The following MALRD1 variants were observed in gnomAD, a reference collection of about 807,000 sequenced individuals.
MALRD1 encodes MAM and LDL receptor class A domain containing 1.
MALRD1 carries 247 observed loss-of-function variants against 242.1 expected under a neutral mutation model. That is an observed-to-expected ratio of 1.02 (90% confidence interval 0.92 to 1.13). The LOEUF (loss-of-function observed/expected upper bound fraction) is 1.13, where lower values mean the gene tolerates loss of function less well. Among genes scored for constraint, MALRD1 ranks in the 50% most tolerant of loss-of-function variants. MALRD1 has a pLI of 0.00. For missense variants in MALRD1, 2,989 were observed against 2,533.1 expected (o/e 1.18, Z -3.86); for synonymous variants, 995 against 866.6 (o/e 1.15, Z -2.60).
intron 13 of MALRD1, among the ~76,000 whole-genome samples, chr10:19,172,673 T>C (rs976855048): frequency 2.0e-5 from 3 of 151,586 alleles, no homozygotes; most frequent in African/African-American, 7.3e-5. Flanking sequence ...TCGTTTTTTT[T>C]CCTCCAGTTT....
intron 21 of MALRD1, among the ~76,000 whole-genome samples, chr10:19,323,009 G>A (rs1842965409): frequency 6.6e-6 from 1 of 151,972 alleles, no homozygotes; most frequent in South Asian, 2.1e-4. Context: ...AATTGTCCAA[G>A]TAGGGTCATA....
chr10:19,504,751 C>T (rs982012318), intron 31 of MALRD1, among the ~76,000 whole-genome samples: 11 of 141,202 alleles, frequency 7.8e-5, no homozygotes, highest in South Asian at 2.2e-4. Context: ...GGCGCAATCT[C>T]GGCTCACTGC....
At chr10:19,686,461 ACT>A (rs1842586141) in intron 36 of MALRD1, among the ~76,000 whole-genome samples, 2 of 151,878 alleles carry the variant, frequency 1.3e-5, no homozygotes, top group African/African-American at 2.4e-5. Flanking sequence ...TACCAGTTAA[ACT>A]CTGCCGTTTT....
intron 28 of MALRD1, among the ~76,000 whole-genome samples, chr10:19,407,952 C>G (rs1199575889): frequency 6.6e-6 from 1 of 152,122 alleles, no homozygotes; most frequent in Admixed American, 6.5e-5. Flanking sequence ...TTCCATAACA[C>G]TGTTACCAAA....
intron 20 of MALRD1, among the ~76,000 whole-genome samples, chr10:19,281,004 A>G (rs1488978746): frequency 3.3e-5 from 5 of 152,250 alleles, no homozygotes. Context: ...CAGAGAGAGT[A>G]GTGAAACCCT....
intron 36 of MALRD1, among the ~76,000 whole-genome samples, chr10:19,689,092 ATGTC>A (rs1170689077): frequency 6.6e-6 from 1 of 152,210 alleles, no homozygotes; most frequent in Admixed American, 6.5e-5. Flanking sequence ...CTAAAAATAA[ATGTC>A]TGTGACAGTT....
At chr10:19,655,920 T>G (rs1043008473) in intron 36 of MALRD1, among the ~76,000 whole-genome samples, 3 of 152,118 alleles carry the variant, frequency 2.0e-5, no homozygotes, top group Non-Finnish European at 4.4e-5. Flanking sequence ...ACAGAGTGTC[T>G]CAGTTGGTAC....
chr10:19,070,861 T>C (rs1590386666), intron 2 of MALRD1, among the ~76,000 whole-genome samples: 1 of 86,358 alleles, frequency 1.2e-5, no homozygotes, highest in Admixed American at 1.3e-4. Context: ...TTTTTTTTTT[T>C]TTTTTCCGGA....
rs545602153 is a variant in MALRD1 at position 19,517,313 on chromosome 10, T to C, written c.5321-13881T>C. ...AATGTGAGTGCATTCATCAGATGGC[T>C]GGTGAAAACATGGGCAATTTCTTTT... is the stretch of plus-strand genomic sequence containing the variant. On this transcript the variant is annotated intron_variant, in intron 31 of 39. Transcript: ENST00000454679. Among the ~76,000 whole-genome samples the C allele has an allele frequency of 2.6e-5, 4 of 152,276 alleles. No homozygotes were observed. The East Asian group carries it at 7.7e-4, about 29-fold the overall frequency.
Position 19,144,456 on chromosome 10 carries a change from C to A in MALRD1, c.1412-1742C>A, listed in dbSNP as rs74506493. On this transcript the variant is annotated intron_variant, in intron 10 of 39. Transcript: ENST00000454679. ...CGGAAGTGGCATTGTCATTTGCATA[C>A]CGCACTTCAATGTTTTAAGAGTTGA... 0.015 allele frequency among the ~76,000 whole-genome samples: 2,327 copies of A among 152,296 alleles called. 110 individuals are homozygous for A. The East Asian group carries it at 0.19, about 12-fold the overall frequency.
intron 35 of MALRD1, among the ~76,000 whole-genome samples, chr10:19,615,508 C>A (rs1306586115): frequency 5.4e-5 from 2 of 37,146 alleles, no homozygotes; most frequent in African/African-American, 4.7e-4. Context: ...CAGAGCAAGA[C>A]CCTGCCTCAA....
intron 21 of MALRD1, among the ~76,000 whole-genome samples, chr10:19,292,352 G>A (rs933424548): frequency 3.3e-5 from 5 of 152,086 alleles, no homozygotes; most frequent in African/African-American, 7.2e-5. Context: ...TTACCTGGAA[G>A]TGATGGATAT....
chr10:19,250,697 C>T lies in MALRD1; in HGVS notation c.2992-6987C>T, dbSNP rs540679004. Reference sequence around the variant, plus strand: ...TGTGGTTTGTGAATCCTTTAAAAACCGCAAAAAGCAAGTTAATCTCATATG... The same window carrying T: ...TGTGGTTTGTGAATCCTTTAAAAACTGCAAAAAGCAAGTTAATCTCATATG... On this transcript the variant is annotated intron_variant, in intron 18 of 39. Coordinates refer to ENST00000454679, the MANE Select transcript of MALRD1 (RefSeq NM_001142308.3). 2.6e-4 allele frequency among the ~76,000 whole-genome samples: 39 copies of T among 151,708 alleles called. 1 individual carries two copies. In the South Asian group the frequency reaches 7.9e-3, roughly 31 times the overall value.
intron 18 of MALRD1, among the ~76,000 whole-genome samples, chr10:19,234,480 T>A (rs1280406748): frequency 6.6e-6 from 1 of 152,160 alleles, no homozygotes; most frequent in Non-Finnish European, 1.5e-5. Context: ...GTCATTAGTT[T>A]ATTTCTCTCT....
intron 18 of MALRD1, among the ~76,000 whole-genome samples, chr10:19,239,414 A>G (rs1175256269): frequency 1.3e-5 from 2 of 152,096 alleles, no homozygotes; most frequent in Non-Finnish European, 2.9e-5. Context: ...TAGCAGATGT[A>G]TAGTTTGCAA....
chr10:19,438,813 C>A (rs1834469492), intron 28 of MALRD1, among the ~76,000 whole-genome samples: 1 of 85,818 alleles, frequency 1.2e-5, no homozygotes, highest in Admixed American at 1.0e-4. Context: ...ACAGCTCAGA[C>A]AGACAAGCCT....
At chr10:19,259,326 G>A (rs538240713) in intron 19 of MALRD1, among the ~76,000 whole-genome samples, 21 of 152,136 alleles carry the variant, frequency 1.4e-4, no homozygotes, top group African/African-American at 4.8e-4. Flanking sequence ...CCAATTTATG[G>A]TGTATTAGTC....
At chr10:19,165,261 ATATATTTTG>A (rs1367689926) in intron 12 of MALRD1, among the ~76,000 whole-genome samples, 2 of 82,918 alleles carry the variant, frequency 2.4e-5, no homozygotes, top group African/African-American at 4.3e-5. Flanking sequence ...ATATATATAT[ATATATTTTG>A]TTTTGTTTTG....
intron 38 of MALRD1, among the ~76,000 whole-genome samples, chr10:19,727,222 T>A (rs1032637199): frequency 6.6e-6 from 1 of 152,162 alleles, no homozygotes; most frequent in African/African-American, 2.4e-5. Context: ...CTGTTAAAAA[T>A]AAAAATACAA....
Sources: allele counts gnomAD v4.1 joint callset (sites outside exome capture counted in the v4.1 genomes callset), GRCh38; gene constraint gnomAD v4.1.1; transcripts MANE v1.5; gene names NCBI Gene and HGNC (gene_info 2026-07-23, HGNC 2026-07-21).